Variants in GRM8 observed in about 807,000 individuals in gnomAD.
The protein encoded by GRM8 is glutamate metabotropic receptor 8.
In GRM8, 47 loss-of-function variants were observed where a neutral mutation model predicts 87.2. The ratio of observed to expected loss-of-function variants is 0.54; its 90% CI spans 0.43 to 0.69. GRM8 has a LOEUF of 0.69. GRM8 is among the 30% of genes least tolerant of loss of function. The probability of loss-of-function intolerance (pLI) is 0.00; values close to 1 mark genes in which losing one functional copy is unlikely to be tolerated. For missense variants in GRM8, 1,019 were observed against 1,139.2 expected, an observed-to-expected ratio of 0.89 and a Z score of 1.52; for synonymous variants, 396 against 404.5, an observed-to-expected ratio of 0.98 and a Z score of 0.25.
chr7:126,673,076 T>C (rs1158442623), intron 7 of GRM8, among the ~76,000 whole-genome samples: 1 of 152,130 alleles, frequency 6.6e-6, no homozygotes, highest in Non-Finnish European at 1.5e-5. Context: ...GGTGGAGCCA[T>C]GGAAGTTGGC....
chr7:126,740,759 A>T (rs780467055), intron 7 of GRM8, among the ~76,000 whole-genome samples: 26 of 152,282 alleles, frequency 1.7e-4, no homozygotes, highest in Admixed American at 3.3e-4. Context: ...TTGGCAGCAG[A>T]GTCTTGTCTT....
chr7:126,711,463 TGACA>T (rs1327956290), intron 7 of GRM8, among the ~76,000 whole-genome samples: 1 of 152,208 alleles, frequency 6.6e-6, no homozygotes, highest in Non-Finnish European at 1.5e-5. Flanking sequence ...TTGTTTGCAC[TGACA>T]GACTAGATTT....
intron 3 of GRM8, among the ~76,000 whole-genome samples, chr7:127,071,215 A>AT (rs1215623776): frequency 1.2e-4 from 18 of 152,192 alleles, no homozygotes; most frequent in Non-Finnish European, 2.4e-4. Flanking sequence ...TGGGGAAAAA[A>AT]AATACCTAAA....
intron 2 of GRM8, among the ~76,000 whole-genome samples, chr7:127,170,509 G>T (rs1044206412): frequency 2.0e-5 from 3 of 152,132 alleles, no homozygotes; most frequent in Non-Finnish European, 2.9e-5. Flanking sequence ...CACAGGAAAA[G>T]AAGTCATTAC....
chr7:126,644,581 C>G (rs574663114), intron 7 of GRM8, among the ~76,000 whole-genome samples: 1 of 152,272 alleles, frequency 6.6e-6, no homozygotes, highest in Admixed American at 6.5e-5. Flanking sequence ...ACTTCACTTA[C>G]CAGACTGTTG....
chr7:127,081,280 C>A (rs1272055628), intron 3 of GRM8, among the ~76,000 whole-genome samples: 1 of 152,286 alleles, frequency 6.6e-6, no homozygotes, highest in East Asian at 1.9e-4. Context: ...CAAACACATG[C>A]TTGCCTTCTC....
chr7:127,018,516 C>T (rs1202273107), intron 3 of GRM8, among the ~76,000 whole-genome samples: 8 of 150,674 alleles, frequency 5.3e-5, no homozygotes, highest in Admixed American at 2.0e-4. Flanking sequence ...TCAGGGTGGA[C>T]ACTGCTAACT....
At chr7:126,780,728 G>A (rs929745412) in intron 6 of GRM8, among the ~76,000 whole-genome samples, 3 of 152,174 alleles carry the variant, frequency 2.0e-5, no homozygotes, top group Non-Finnish European at 4.4e-5. Context: ...GGTGAGGCCT[G>A]ACGGGGGCAG....
chr7:126,478,034 C>A (rs149678339), intron 9 of GRM8, among the ~76,000 whole-genome samples: 1 of 152,222 alleles, frequency 6.6e-6, no homozygotes, highest in Non-Finnish European at 1.5e-5. Flanking sequence ...TCTAAGGACA[C>A]CTGTCATTGG....
At chr7:126,498,663 A>G (rs1052580336) in intron 9 of GRM8, among the ~76,000 whole-genome samples, 4 of 151,950 alleles carry the variant, frequency 2.6e-5, no homozygotes, top group Non-Finnish European at 5.9e-5. Flanking sequence ...TTGATGGTAA[A>G]TATTTTATAG....
intron 7 of GRM8, among the ~76,000 whole-genome samples, chr7:126,748,631 T>C (rs1816007254): frequency 7.6e-6 from 1 of 131,690 alleles, no homozygotes; most frequent in Non-Finnish European, 1.6e-5. Flanking sequence ...TTTGTAAAAA[T>C]TGACAAACGG....
chr7:126,829,567 C>G (rs199940775), intron 6 of GRM8, among the ~76,000 whole-genome samples: 10 of 149,790 alleles, frequency 6.7e-5, no homozygotes, highest in Admixed American at 2.7e-4. Flanking sequence ...AGATCTTCCT[C>G]CATCCTTTTA....
At chr7:126,497,641 T>G in intron 9 of GRM8, among the ~76,000 whole-genome samples, 1 of 151,996 alleles carries the variant, frequency 6.6e-6, no homozygotes, top group South Asian at 2.1e-4. Flanking sequence ...TTTAACCTCT[T>G]AAAATTATTC....
Position 127,231,715 on chromosome 7 carries a change from CT to C in GRM8, c.510+10979del, listed in dbSNP as rs67502242. On this transcript the variant is annotated intron_variant, in intron 2 of 10. Coordinates refer to ENST00000339582, the MANE Select transcript of GRM8 (RefSeq NM_000845.3). ...TCTGGTGCAGGCCTGTGTTTCTGTC[CT>C]TACCACACATGGAAAAGAAAGGGAA... 2.4e-3 allele frequency among the ~76,000 whole-genome samples: 370 copies of C among 152,240 alleles called. 1 individual carries two copies. The highest frequency in any genetic ancestry group is 3.4e-3 in the Middle Eastern group (1 of 294).
At chr7:126,785,134 T>TG (rs2151650863) in intron 6 of GRM8, among the ~76,000 whole-genome samples, 1 of 152,290 alleles carries the variant, frequency 6.6e-6, no homozygotes, top group South Asian at 2.1e-4. Flanking sequence ...GCAATCCTCT[T>TG]GCCTCAGCCT....
At chr7:126,753,416 G>A (rs898940725) in intron 7 of GRM8, among the ~76,000 whole-genome samples, 2 of 150,708 alleles carry the variant, frequency 1.3e-5, no homozygotes, top group African/African-American at 2.4e-5. Context: ...ATAGACACAC[G>A]TATATACGTA....
At chr7:126,552,180 A>C (rs1182879481) in intron 8 of GRM8, among the ~76,000 whole-genome samples, 2 of 152,140 alleles carry the variant, frequency 1.3e-5, no homozygotes, top group Non-Finnish European at 2.9e-5. Context: ...TAAGTGGTCC[A>C]TCCCTCCTCT....
At chr7:126,833,447 T>C (rs1051760408) in intron 6 of GRM8, among the ~76,000 whole-genome samples, 2 of 152,246 alleles carry the variant, frequency 1.3e-5, no homozygotes, top group Non-Finnish European at 2.9e-5. Flanking sequence ...CAAAATGCCA[T>C]AGATCAGATG....
chr7:126,514,551 T>A (rs1811904190), intron 9 of GRM8, among the ~76,000 whole-genome samples: 1 of 152,116 alleles, frequency 6.6e-6, no homozygotes, highest in African/African-American at 2.4e-5. Context: ...TCTAAGCTTT[T>A]ACTCAACACC....
Sources: gnomAD v4.1 joint callset for allele counts (sites outside exome capture counted in the v4.1 genomes callset) on GRCh38, gnomAD v4.1.1 for gene constraint, MANE v1.5 for transcripts, NCBI Gene and HGNC (gene_info 2026-07-23, HGNC 2026-07-21) for gene names.